The following CNTN4 variants were observed in gnomAD, a reference collection of about 807,000 sequenced individuals.
The protein encoded by CNTN4 is contactin 4, also known as contactin-4.
Under a neutral mutation model 122.5 loss-of-function variants are expected in CNTN4, and 77 were observed. The observed-to-expected ratio is 0.63, with a 90% CI of 0.52 to 0.76. The LOEUF (loss-of-function observed/expected upper bound fraction) is 0.76. Among genes scored for constraint, CNTN4 ranks in the 30% least tolerant of loss-of-function variants. The pLI is 0.00. For missense variants in CNTN4, 1,256 were observed against 1,259.1 expected (o/e 1.00, Z 0.04); for synonymous variants, 512 against 447.0 (o/e 1.15, Z -1.83).
chr3:2,670,289 A>C (rs1228395411), intron 4 of CNTN4, among the ~76,000 whole-genome samples: 2 of 152,168 alleles, frequency 1.3e-5, no homozygotes, highest in Non-Finnish European at 2.9e-5. Flanking sequence ...TATTGGGTAC[A>C]TATATATTTA....
intron 13 of CNTN4, among the ~76,000 whole-genome samples, chr3:2,933,801 C>G (rs1437313958): frequency 6.6e-6 from 1 of 152,108 alleles, no homozygotes; most frequent in East Asian, 1.9e-4. Flanking sequence ...GGAATAGAGA[C>G]AGAGATACAG....
intron 2 of CNTN4, among the ~76,000 whole-genome samples, chr3:2,174,010 T>C (rs923088679): frequency 3.9e-5 from 6 of 152,188 alleles, no homozygotes; most frequent in Admixed American, 1.3e-4. Flanking sequence ...AAGAAGTTTT[T>C]GCATCCCTCT....
At chr3:2,600,744 T>G (rs2081006873) in intron 4 of CNTN4, among the ~76,000 whole-genome samples, 1 of 152,200 alleles carries the variant, frequency 6.6e-6, no homozygotes, top group Non-Finnish European at 1.5e-5. Flanking sequence ...TCAAACGGTA[T>G]TTCTAGTTCT....
intron 3 of CNTN4, among the ~76,000 whole-genome samples, chr3:2,549,814 G>T (rs1406364965): frequency 3.3e-5 from 5 of 152,232 alleles, no homozygotes; most frequent in African/African-American, 1.2e-4. Context: ...ATTCAGCTGT[G>T]AATCCATCTG....
intron 2 of CNTN4, among the ~76,000 whole-genome samples, chr3:2,334,027 G>T (rs2043841419): frequency 6.6e-6 from 1 of 152,186 alleles, no homozygotes; most frequent in South Asian, 2.1e-4. Flanking sequence ...TGGCCTTTAA[G>T]AATACGGACA....
intron 2 of CNTN4, among the ~76,000 whole-genome samples, chr3:2,216,995 A>G (rs1685506): frequency 0.99 from 150,786 of 152,274 alleles, 74,681 homozygotes; most frequent in Middle Eastern, 1. Flanking sequence ...TTATATTAAA[A>G]GCTCTTGGCC....
At chr3:2,149,709 T>C (rs530206926) in intron 2 of CNTN4, among the ~76,000 whole-genome samples, 1 of 152,334 alleles carries the variant, frequency 6.6e-6, no homozygotes, top group South Asian at 2.1e-4. Context: ...ATTTATATAA[T>C]TTGATGCAAT....
chr3:2,956,066 TAAAC>T lies in CNTN4; in HGVS notation c.1358+30292_1358+30295del, dbSNP rs1319568261. Among the ~76,000 whole-genome samples, 4 of 152,150 alleles carry T rather than the reference TAAAC, an allele frequency of 2.6e-5. No individual in the cohort carries two copies. In the East Asian group the frequency reaches 7.7e-4, roughly 29 times the overall value. On this transcript the variant is annotated intron_variant, in intron 13 of 24. Coordinates refer to ENST00000418658, the MANE Select transcript of CNTN4 (RefSeq NM_175607.3). ...AAATGTCTATTGATAGAAGAATAAA[TAAAC>T]AAACTGGGGTATACAGTGGAATATT...
chr3:2,490,064 A>G (rs1036181173), intron 3 of CNTN4, among the ~76,000 whole-genome samples: 1 of 151,894 alleles, frequency 6.6e-6, no homozygotes, highest in Admixed American at 6.6e-5. Context: ...TAGAATTATT[A>G]TCTCTACCAG....
chr3:3,005,079 G>A (rs1050942857), intron 14 of CNTN4, among the ~76,000 whole-genome samples: 1 of 152,128 alleles, frequency 6.6e-6, no homozygotes, highest in African/African-American at 2.4e-5. Context: ...CTATAAAATC[G>A]AAAAATTCTG....
At chr3:2,207,106 C>T (rs2038392359) in intron 2 of CNTN4, among the ~76,000 whole-genome samples, 1 of 151,982 alleles carries the variant, frequency 6.6e-6, no homozygotes, top group Non-Finnish European at 1.5e-5. Context: ...ATGAACCAAA[C>T]TCATAAAAGA....
At chr3:2,945,194 G>A (rs2094662995) in intron 13 of CNTN4, among the ~76,000 whole-genome samples, 1 of 152,088 alleles carries the variant, frequency 6.6e-6, no homozygotes. Context: ...AGAGATGACT[G>A]TATGGCACCC....
chr3:2,182,321 T>A (rs2037051943), intron 2 of CNTN4, among the ~76,000 whole-genome samples: 2 of 151,936 alleles, frequency 1.3e-5, no homozygotes, highest in Non-Finnish European at 2.9e-5. Context: ...TATCTATCCT[T>A]GGATATCCAA....
At chr3:2,628,416 C>T (rs978940715) in intron 4 of CNTN4, among the ~76,000 whole-genome samples, 1 of 152,160 alleles carries the variant, frequency 6.6e-6, no homozygotes, top group Non-Finnish European at 1.5e-5. Flanking sequence ...TGCTGTTCCA[C>T]AGTGCTGTGA....
chr3:2,672,694 C>A (rs2084601853), intron 4 of CNTN4, among the ~76,000 whole-genome samples: 1 of 152,220 alleles, frequency 6.6e-6, no homozygotes, highest in Admixed American at 6.5e-5. Context: ...GTGTTGCTCA[C>A]ACTGGGAGCT....
chr3:2,432,471 T>C (rs1253745847), intron 3 of CNTN4, among the ~76,000 whole-genome samples: 3 of 152,172 alleles, frequency 2.0e-5, no homozygotes, highest in East Asian at 1.9e-4. Flanking sequence ...GTTGTTTTTT[T>C]CAGTGAAGGT....
At chr3:2,739,090 CAAGTAT>C (rs1441095086) in intron 5 of CNTN4, among the ~76,000 whole-genome samples, 3 of 151,946 alleles carry the variant, frequency 2.0e-5, no homozygotes, top group African/African-American at 7.2e-5. Flanking sequence ...AACACTTTAA[CAAGTAT>C]TTCTAGGAAA....
At chr3:2,771,746 T>A (rs2091110527) in intron 6 of CNTN4, among the ~76,000 whole-genome samples, 1 of 152,142 alleles carries the variant, frequency 6.6e-6, no homozygotes, top group South Asian at 2.1e-4. Flanking sequence ...GAGAAAGACA[T>A]ACAGTATTAA....
intron 3 of CNTN4, among the ~76,000 whole-genome samples, chr3:2,561,737 C>G (rs2078965055): frequency 6.6e-6 from 1 of 152,144 alleles, no homozygotes; most frequent in African/African-American, 2.4e-5. Flanking sequence ...AGAACAACAG[C>G]TAAATGGTAG....
Sources: gnomAD v4.1 joint callset for allele counts (sites outside exome capture counted in the v4.1 genomes callset) on GRCh38, gnomAD v4.1.1 for gene constraint, MANE v1.5 for transcripts, NCBI Gene and HGNC (gene_info 2026-07-23, HGNC 2026-07-21) for gene names.